ME1: variants seen among roughly 807,000 people sequenced by gnomAD.
ME1 encodes the protein NADP-dependent malic enzyme.
A neutral mutation model predicts 66.4 loss-of-function variants in ME1; 74 were observed. The ratio of observed to expected loss-of-function variants is 1.11; its 90% CI spans 0.92 to 1.35. ME1 has a LOEUF of 1.35. Ranked by LOEUF, ME1 falls within the 40% of genes most tolerant of loss-of-function variation. The pLI is 0.00. For synonymous variants in ME1, 251 were observed against 235.6 expected, an observed-to-expected ratio of 1.07 and a Z score of -0.60; for missense variants, 750 against 694.1, an observed-to-expected ratio of 1.08 and a Z score of -0.90.
chr6:83,280,566 G>A (rs1426456135), intron 6 of ME1, among the ~76,000 whole-genome samples: 1 of 152,148 alleles, frequency 6.6e-6, no homozygotes, highest in African/African-American at 2.4e-5. Flanking sequence ...CTTCTTACTT[G>A]CAATATCTGC....
intron 6 of ME1, among the ~76,000 whole-genome samples, chr6:83,265,432 G>C (rs1363553300): frequency 6.6e-6 from 1 of 151,990 alleles, no homozygotes; most frequent in Non-Finnish European, 1.5e-5. Context: ...TAGTGGCTGG[G>C]ACCACAGGAG....
intron 7 of ME1, among the ~76,000 whole-genome samples, chr6:83,240,019 T>C (rs1407815777): frequency 6.6e-6 from 1 of 152,078 alleles, no homozygotes; most frequent in Non-Finnish European, 1.5e-5. Context: ...TAGTTTTACT[T>C]TATGATATAA....
intron 5 of ME1, among the ~76,000 whole-genome samples, chr6:83,325,701 C>A (rs547892174): frequency 1.1e-4 from 17 of 151,428 alleles, no homozygotes; most frequent in African/African-American, 4.1e-4. Flanking sequence ...AACCACTGCT[C>A]GAGGAAATAA....
At position 83,397,997 on chromosome 6, in the gene ME1, G is replaced by A. The variant is rs78272840; in HGVS notation, c.362+370C>T. 5.7e-3 allele frequency among the ~76,000 whole-genome samples: 873 copies of A among 152,188 alleles called. 8 individuals carry two copies. Among genetic ancestry groups the A allele is most frequent in the African/African-American group, 0.02 (834 of 41,520 alleles). Reference sequence around the variant, plus strand: ...GAGAAAGGTAGGGGGAGCGGGTTGCGGGATTAGGGAAATGCTGGTTAAAAG... The same window carrying A: ...GAGAAAGGTAGGGGGAGCGGGTTGCAGGATTAGGGAAATGCTGGTTAAAAG... On this transcript the variant is annotated intron_variant, in intron 3 of 13. Transcript: ENST00000369705.
At chr6:83,254,155 G>T (rs1173578492) in intron 6 of ME1, among the ~76,000 whole-genome samples, 1 of 152,160 alleles carries the variant, frequency 6.6e-6, no homozygotes. Flanking sequence ...TTCAAAAGTA[G>T]AGATGTGGGG....
intron 6 of ME1, 119 bp from the exon 7 acceptor site, chr6:83,253,857 C>T (rs1790762930): frequency 3.6e-6 from 2 of 562,280 alleles, no homozygotes; most frequent in Non-Finnish European, 6.3e-6. Context: ...TTCTATCTTG[C>T]TGCTTAAGTA....
chr6:83,237,352 AAAG>A (rs1475034116), intron 9 of ME1, among the ~76,000 whole-genome samples: 1 of 111,834 alleles, frequency 8.9e-6, no homozygotes, highest in African/African-American at 5.4e-5. Context: ...AAAGAAAGAA[AAAG>A]AAAGAAAGAA....
At chr6:83,229,213 C>G (rs1415688378) in intron 9 of ME1, 2 of 487,298 alleles carry the variant, frequency 4.1e-6, no homozygotes, top group Admixed American at 5.3e-5. Flanking sequence ...CATGTGAGAA[C>G]TAGCATTAAC....
chr6:83,253,873 A>G (rs2128528281), intron 6 of ME1, 135 bp from the exon 7 acceptor site: 1 of 533,032 alleles, frequency 1.9e-6, no homozygotes, highest in Non-Finnish European at 3.4e-6. Context: ...AAGTATAAAT[A>G]TGTAATATAA....
chr6:83,412,600 A>C (rs2128552572), intron 1 of ME1, among the ~76,000 whole-genome samples: 1 of 152,358 alleles, frequency 6.6e-6, no homozygotes, highest in East Asian at 1.9e-4. Context: ...AAACAACAAA[A>C]GTCCTTCAAC....
chr6:83,427,096 A>G (rs190815123), intron 1 of ME1, among the ~76,000 whole-genome samples: 11 of 152,326 alleles, frequency 7.2e-5, no homozygotes, highest in Admixed American at 3.9e-4. Flanking sequence ...AAAACATTAA[A>G]CATTAAATTA....
intron 1 of ME1, among the ~76,000 whole-genome samples, chr6:83,425,822 G>C (rs1196051490): frequency 6.6e-6 from 1 of 152,170 alleles, no homozygotes; most frequent in African/African-American, 2.4e-5. Flanking sequence ...AGCTCTAGCA[G>C]TTATATTCTC....
At position 83,346,236 on chromosome 6, in the gene ME1, A is replaced by G; in HGVS notation, c.537T>C (p.Ala179=). The G allele has an allele frequency of 6.2e-7, 1 of 1,613,070 alleles. No homozygotes were observed. The highest frequency in any genetic ancestry group is 1.1e-5 in the South Asian group (1 of 90,932). Residue 179 remains alanine, a synonymous_variant, in exon 5 of 14, where the codon GCT becomes GCC. Coordinates refer to ENST00000369705, the MANE Select transcript of ME1 (RefSeq NM_002395.6). ...ATTCTTGAGGATTCATCCCTCCGCAAGCTGTATATAGAGCCAATTTACCCA... is the reference window on the plus strand; with the variant it reads ...ATTCTTGAGGATTCATCCCTCCGCAGGCTGTATATAGAGCCAATTTACCCA... The part of the protein sequence containing the change: ...IPVGKLALYT[A]CGGMNPQECL...
chr6:83,403,668 C>A (rs192343056), intron 2 of ME1, among the ~76,000 whole-genome samples: 190 of 152,234 alleles, frequency 1.2e-3, no homozygotes, highest in African/African-American at 4.4e-3. Flanking sequence ...CACCCCACGA[C>A]AGGCCCTGGT....
At chr6:83,243,749 A>AT (rs1242468447) in intron 7 of ME1, among the ~76,000 whole-genome samples, 5 of 131,718 alleles carry the variant, frequency 3.8e-5, no homozygotes, top group Admixed American at 8.5e-5. Flanking sequence ...ATTATATTAT[A>AT]TTATATATTA....
chr6:83,430,182 AAAAAC>A (rs558746166), intron 1 of ME1, among the ~76,000 whole-genome samples: 31 of 152,064 alleles, frequency 2.0e-4, no homozygotes, highest in South Asian at 6.2e-4. Flanking sequence ...AAGCCAAATT[AAAAAC>A]AAAACAAAAC....
At chr6:83,299,996 G>T (rs571007447) in intron 6 of ME1, among the ~76,000 whole-genome samples, 1 of 152,032 alleles carries the variant, frequency 6.6e-6, no homozygotes, top group Non-Finnish European at 1.5e-5. Flanking sequence ...TGCTGGATTC[G>T]GTTTGCCAAT....
At chr6:83,349,002 C>A (rs9350979) in intron 4 of ME1, among the ~76,000 whole-genome samples, 47,801 of 118,526 alleles carry the variant, frequency 0.4, 10,738 homozygotes, top group African/African-American at 0.58. Context: ...AAAAAAAAAA[C>A]AAAAAACAAA....
chr6:83,251,336 A>G (rs762251987), intron 7 of ME1, among the ~76,000 whole-genome samples: 179 of 152,124 alleles, frequency 1.2e-3, no homozygotes, highest in Non-Finnish European at 1.5e-3. Flanking sequence ...CTCTACTAAA[A>G]ATACAAAAAT....
Sources: allele counts gnomAD v4.1 joint callset (sites outside exome capture counted in the v4.1 genomes callset), GRCh38; gene constraint gnomAD v4.1.1; transcripts MANE v1.5; gene names NCBI Gene and HGNC (gene_info 2026-07-23, HGNC 2026-07-21).